The following ME1 variants were observed in gnomAD, a reference collection of about 807,000 sequenced individuals.
The protein encoded by ME1 is malic enzyme 1, also known as NADP-dependent malic enzyme.
Under a neutral mutation model 66.4 loss-of-function variants are expected in ME1, and 74 were observed. The observed-to-expected ratio is 1.11, with a 90% CI of 0.92 to 1.35. ME1 has a LOEUF of 1.35. Ranked by LOEUF, ME1 falls within the 40% of genes most tolerant of loss-of-function variation. The pLI is 0.00. For synonymous variants in ME1, 251 were observed against 235.6 expected, an observed-to-expected ratio of 1.07 and a Z score of -0.60; for missense variants, 750 against 694.1, an observed-to-expected ratio of 1.08 and a Z score of -0.90.
At chr6:83,392,823 C>A in intron 3 of ME1, 2 of 742,404 alleles carry the variant, frequency 2.7e-6, no homozygotes, top group Non-Finnish European at 2.4e-6. Flanking sequence ...TGGGTGTGAA[C>A]CATGAGAAAT....
chr6:83,237,291 GGAA>G (rs1790428528), intron 9 of ME1, among the ~76,000 whole-genome samples: 1 of 42,818 alleles, frequency 2.3e-5, no homozygotes, highest in Non-Finnish European at 4.9e-5. Flanking sequence ...AAGGAAGGAA[GGAA>G]AGAAAGAAAA....
At chr6:83,406,468 T>C (rs1374120358) in intron 2 of ME1, among the ~76,000 whole-genome samples, 2 of 152,174 alleles carry the variant, frequency 1.3e-5, no homozygotes, top group East Asian at 3.9e-4. Flanking sequence ...CTGGGTTTTT[T>C]TCGTTGGTAC....
rs1789893078 is a variant in ME1, at chr6:83,211,819, T to C, written c.*105A>G. ...CAATTTTTAGACTGTTAAAGTAAAA[T>C]CTTAATCTAAGTGTCTTATGAATCA... On this transcript the variant is annotated 3_prime_UTR_variant, in exon 14 of 14. Coordinates refer to ENST00000369705, the MANE Select transcript of ME1 (RefSeq NM_002395.6). The C allele has an allele frequency of 1.4e-6, 1 of 726,210 alleles. No homozygotes were observed. The highest frequency in any genetic ancestry group is 3.9e-5 in the Admixed American group (1 of 25,954). 45.0% of individuals were successfully genotyped at this position (726,210 alleles called of 1,614,324 possible).
chr6:83,277,481 C>T lies in ME1; in HGVS notation c.705-23743G>A, dbSNP rs113798486. Among the ~76,000 whole-genome samples, 1,038 of 152,204 alleles carry T rather than the reference C, an allele frequency of 6.8e-3. 27 individuals are homozygous for T. The highest frequency in any genetic ancestry group is 0.06 in the East Asian group (311 of 5,180). ...ATGGACAGCCACAGGCCAAGGAAGA[C>T]GAGACTCAGGATTATGGCAGAATAG... is the stretch of plus-strand genomic sequence containing the variant. On this transcript the variant is annotated intron_variant, in intron 6 of 13. Transcript: ENST00000369705.
At chr6:83,409,877 T>C (rs1770014414) in intron 1 of ME1, among the ~76,000 whole-genome samples, 1 of 152,230 alleles carries the variant, frequency 6.6e-6, no homozygotes, top group South Asian at 2.1e-4. Flanking sequence ...GGGCGTCCTC[T>C]GAAGTTCAAT....
At chr6:83,416,962 T>C (rs921362895) in intron 1 of ME1, among the ~76,000 whole-genome samples, 9 of 152,056 alleles carry the variant, frequency 5.9e-5, no homozygotes, top group Admixed American at 2.0e-4. Flanking sequence ...TTTTATGCCA[T>C]GTTACATCTG....
chr6:83,213,272 A>G (rs1789929719), intron 13 of ME1, among the ~76,000 whole-genome samples: 1 of 151,414 alleles, frequency 6.6e-6, no homozygotes, highest in Non-Finnish European at 1.5e-5. Context: ...TAAAAATACA[A>G]AATTAGCCGG....
At chr6:83,366,692 C>A (rs1052985795) in intron 3 of ME1, among the ~76,000 whole-genome samples, 1 of 152,158 alleles carries the variant, frequency 6.6e-6, no homozygotes, top group Non-Finnish European at 1.5e-5. Context: ...CTTCTGTGAC[C>A]AAATTACCAA....
chr6:83,246,250 T>C (rs1790620421), intron 7 of ME1, among the ~76,000 whole-genome samples: 1 of 152,164 alleles, frequency 6.6e-6, no homozygotes, highest in Non-Finnish European at 1.5e-5. Flanking sequence ...GGCTCAACAA[T>C]TGTGCCATGT....
chr6:83,244,922 G>T (rs1331393079), intron 7 of ME1, among the ~76,000 whole-genome samples: 6 of 152,026 alleles, frequency 3.9e-5, no homozygotes, highest in Admixed American at 3.9e-4. Flanking sequence ...TAATGACAAA[G>T]AACAAAGGTC....
chr6:83,235,190 T>G (rs1790376499), intron 9 of ME1, among the ~76,000 whole-genome samples: 2 of 152,202 alleles, frequency 1.3e-5, no homozygotes, highest in Non-Finnish European at 2.9e-5. Context: ...TTTTCCTTAG[T>G]GCAGTTGGGA....
chr6:83,230,011 TG>T (rs145169874), intron 9 of ME1, among the ~76,000 whole-genome samples: 1 of 151,820 alleles, frequency 6.6e-6, no homozygotes, highest in Non-Finnish European at 1.5e-5. Context: ...TTTTTAGAGA[TG>T]GGGGTCTCGC....
intron 5 of ME1, among the ~76,000 whole-genome samples, chr6:83,330,924 G>C (rs551185568): frequency 2.0e-5 from 3 of 152,184 alleles, no homozygotes; most frequent in Non-Finnish European, 4.4e-5. Context: ...CTCTCCCCTG[G>C]CTTTACTAAT....
chr6:83,400,064 T>C (rs1397291800), intron 2 of ME1, among the ~76,000 whole-genome samples: 1 of 152,206 alleles, frequency 6.6e-6, no homozygotes, highest in East Asian at 1.9e-4. Context: ...CAATCTATCA[T>C]ATTCTCATGG....
intron 5 of ME1, among the ~76,000 whole-genome samples, chr6:83,339,714 G>A (rs1359485787): frequency 1.8e-5 from 1 of 55,846 alleles, no homozygotes; most frequent in Non-Finnish European, 3.4e-5. Context: ...GTAAACTATC[G>A]CAAGAACAAA....
chr6:83,217,845 G>A (rs533067748), intron 12 of ME1, among the ~76,000 whole-genome samples: 1 of 152,266 alleles, frequency 6.6e-6, no homozygotes, highest in Admixed American at 6.5e-5. Context: ...AAGGACTGGA[G>A]CATTATCAAT....
intron 3 of ME1, among the ~76,000 whole-genome samples, chr6:83,394,638 G>A (rs1175542124): frequency 6.6e-6 from 1 of 152,138 alleles, no homozygotes; most frequent in African/African-American, 2.4e-5. Flanking sequence ...TAATACCTCT[G>A]AAATATTCCT....
At chr6:83,328,460 T>G (rs1337349996) in intron 5 of ME1, among the ~76,000 whole-genome samples, 1 of 152,150 alleles carries the variant, frequency 6.6e-6, no homozygotes, top group East Asian at 1.9e-4. Context: ...ACTTAAAGTA[T>G]ATAAAAAAAT....
chr6:83,333,601 A>G (rs773277997), intron 5 of ME1, among the ~76,000 whole-genome samples: 21 of 152,230 alleles, frequency 1.4e-4, no homozygotes, highest in Non-Finnish European at 2.9e-4. Flanking sequence ...TATTACTAAC[A>G]TATTTTGAAC....
Sources: gnomAD v4.1 joint callset for allele counts (sites outside exome capture counted in the v4.1 genomes callset) on GRCh38, gnomAD v4.1.1 for gene constraint, MANE v1.5 for transcripts, NCBI Gene and HGNC (gene_info 2026-07-23, HGNC 2026-07-21) for gene names.